TTC23: variants seen among roughly 807,000 people sequenced by gnomAD.
TTC23 encodes the protein tetratricopeptide repeat domain 23.
In TTC23, 58 loss-of-function variants were observed where a neutral mutation model predicts 55.1. That is an observed-to-expected ratio of 1.05 (90% CI 0.85 to 1.31). The LOEUF is 1.31. TTC23 is among the 50% of genes most tolerant of loss of function. TTC23 has a pLI of 0.00. For missense variants in TTC23, 516 were observed against 534.4 expected (o/e 0.97, Z 0.34); for synonymous variants, 203 against 199.9 (o/e 1.02, Z -0.13).
At chr15:99,158,846 T>C (rs2070972410) in intron 11 of TTC23, 1 of 152,414 alleles carries the variant, frequency 6.6e-6, no homozygotes, top group South Asian at 2.1e-4. Flanking sequence ...CAACACCTGC[T>C]AGAACCCACA....
At chr15:99,228,872 A>G in intron 4 of TTC23, 140 bp from the exon 5 acceptor site, 2 of 636,468 alleles carry the variant, frequency 3.1e-6, no homozygotes, top group Middle Eastern at 4.5e-4. Flanking sequence ...GCTACTACTG[A>G]CCTGCTGATT....
intron 12 of TTC23, 179 bp downstream of exon 12, chr15:99,155,969 G>T: frequency 1.4e-6 from 1 of 709,330 alleles, no homozygotes; most frequent in Non-Finnish European, 2.3e-6. Flanking sequence ...TGTCTAAGAG[G>T]CTTACTATGT....
chr15:99,140,920 A>C (rs2068156479), intron 12 of TTC23: 1 of 152,122 alleles, frequency 6.6e-6, no homozygotes, highest in Non-Finnish European at 1.5e-5. Flanking sequence ...CCAAACCAAA[A>C]CCTCTCAATA....
intron 12 of TTC23, among the ~76,000 whole-genome samples, chr15:99,153,592 C>T (rs555778342): frequency 2.4e-4 from 36 of 152,242 alleles, no homozygotes; most frequent in Admixed American, 1.6e-3. Context: ...GTAATGAAAA[C>T]ATATGATGTA....
At chr15:99,200,201 AGGTTCGTTTC>A in intron 8 of TTC23, 105 bp from the exon 9 acceptor site, 1 of 1,085,438 alleles carries the variant, frequency 9.2e-7, no homozygotes, top group Non-Finnish European at 1.2e-6. Flanking sequence ...CCTGGTGTTC[AGGTTCGTTTC>A]CTTGCTAACT....
At chr15:99,155,909 T>A (rs951410356) in intron 12 of TTC23, 1 of 546,228 alleles carries the variant, frequency 1.8e-6, no homozygotes, top group Non-Finnish European at 3.2e-6. Flanking sequence ...ACGTAAAAAA[T>A]TAAAAATATT....
At chr15:99,174,953 G>T in intron 10 of TTC23, 97 bp downstream of exon 10, 2 of 935,932 alleles carry the variant, frequency 2.1e-6, no homozygotes, top group Non-Finnish European at 3.2e-6. Flanking sequence ...TGGCGGGCCT[G>T]TGTCGCGGCT....
At chr15:99,165,962 G>A (rs569270789) in intron 10 of TTC23, among the ~76,000 whole-genome samples, 5 of 152,274 alleles carry the variant, frequency 3.3e-5, no homozygotes, top group Admixed American at 1.3e-4. Context: ...ACTGAAGAAC[G>A]TAGCTGAGCA....
At chr15:99,211,416 A>G (rs1038502010) in intron 8 of TTC23, among the ~76,000 whole-genome samples, 2 of 152,106 alleles carry the variant, frequency 1.3e-5, no homozygotes, top group African/African-American at 2.4e-5. Flanking sequence ...AGTATATACA[A>G]TTGTCTGATT....
chr15:99,212,684 C>T (rs1434774510), intron 8 of TTC23, among the ~76,000 whole-genome samples: 1 of 152,098 alleles, frequency 6.6e-6, no homozygotes, highest in Non-Finnish European at 1.5e-5. Flanking sequence ...GAAGATGATA[C>T]ACTAAAAGAT....
At chr15:99,231,063 T>C (rs1051138984) in intron 4 of TTC23, among the ~76,000 whole-genome samples, 1 of 152,218 alleles carries the variant, frequency 6.6e-6, no homozygotes, top group Non-Finnish European at 1.5e-5. Flanking sequence ...AGTGATACAG[T>C]AGCTGTCGTA....
chr15:99,217,957 C>A (rs183486840), intron 8 of TTC23, among the ~76,000 whole-genome samples: 2 of 152,346 alleles, frequency 1.3e-5, no homozygotes, highest in Admixed American at 6.5e-5. Context: ...CTGCCTCTTC[C>A]AACACAGACC....
At chr15:99,222,005 C>T (rs2077978457) in intron 5 of TTC23, 141 bp from the exon 6 acceptor site, 2 of 936,626 alleles carry the variant, frequency 2.1e-6, no homozygotes, top group Middle Eastern at 3.4e-4. Context: ...TGAGATGTAT[C>T]AGAGAACAAA....
intron 6 of TTC23, among the ~76,000 whole-genome samples, chr15:99,220,171 C>A (rs1273174228): frequency 6.6e-6 from 1 of 152,102 alleles, no homozygotes; most frequent in African/African-American, 2.4e-5. Context: ...CAGGATGGAT[C>A]CCCTGCTCCA....
chr15:99,152,055 G>T (rs1407784207), intron 12 of TTC23, among the ~76,000 whole-genome samples: 1 of 152,204 alleles, frequency 6.6e-6, no homozygotes, highest in Non-Finnish European at 1.5e-5. Context: ...CCTGGTGGGA[G>T]GTGACTGGAT....
intron 8 of TTC23, among the ~76,000 whole-genome samples, chr15:99,212,544 GAGAAGTTTCAGGCC>G (rs2077125110): frequency 6.6e-6 from 1 of 152,164 alleles, no homozygotes; most frequent in Non-Finnish European, 1.5e-5. Flanking sequence ...GGAAGAAGGA[GAGAAGTTTCAGGCC>G]ATAGTCAGGG....
At chr15:99,147,736 C>T (rs2069121561) in intron 12 of TTC23, among the ~76,000 whole-genome samples, 1 of 151,068 alleles carries the variant, frequency 6.6e-6, no homozygotes. Context: ...TGTTGCAGTC[C>T]AACAATGGGT....
chr15:99,247,065 G>T (rs1597087377), intron 1 of TTC23, among the ~76,000 whole-genome samples: 1 of 152,314 alleles, frequency 6.6e-6, no homozygotes, highest in Non-Finnish European at 1.5e-5. Flanking sequence ...CACATGAAAA[G>T]ATGCTTCATA....
At chr15:99,221,942 C>A (rs2077972079) in intron 5 of TTC23, 78 bp from the exon 6 acceptor site, 1 of 1,530,918 alleles carries the variant, frequency 6.5e-7, no homozygotes. Context: ...GCTTTTATAT[C>A]CCTTTGATAA....
Sources: allele counts gnomAD v4.1 joint callset (sites outside exome capture counted in the v4.1 genomes callset), GRCh38; gene constraint gnomAD v4.1.1; transcripts MANE v1.5; gene names NCBI Gene and HGNC (gene_info 2026-07-23, HGNC 2026-07-21).